Variants in EEF1AKMT1 observed in about 807,000 individuals in gnomAD.
The protein encoded by EEF1AKMT1 is N-6 adenine-specific DNA methyltransferase 2 (putative).
Under a neutral mutation model 21.0 loss-of-function variants are expected in EEF1AKMT1, and 18 were observed. The observed-to-expected ratio is 0.86, with a 90% CI of 0.59 to 1.27. The LOEUF (loss-of-function observed/expected upper bound fraction) is 1.27, where lower values mean the gene tolerates loss of function less well. Among genes scored for constraint, EEF1AKMT1 ranks in the 50% most tolerant of loss-of-function variants. EEF1AKMT1 has a pLI of 0.00. For missense variants in EEF1AKMT1, 246 were observed against 258.6 expected, an observed-to-expected ratio of 0.95 and a Z score of 0.33; for synonymous variants, 109 against 94.8, an observed-to-expected ratio of 1.15 and a Z score of -0.87.
chr13:20,745,850 AAAAAATAAAAAT>A (rs754892399), intron 2 of EEF1AKMT1, among the ~76,000 whole-genome samples: 2 of 152,262 alleles, frequency 1.3e-5, no homozygotes, highest in Admixed American at 6.5e-5. Context: ...TACATCTCGA[AAAAAATAAAAAT>A]AAAAATAAAA....
In EEF1AKMT1 at chr13:20,773,395, T is replaced by C. The variant is rs374948572; in HGVS notation, c.-20+526A>G. Among the ~76,000 whole-genome samples, 12 of 152,264 alleles carry C rather than the reference T, an allele frequency of 7.9e-5. No homozygotes were observed. In the South Asian group the frequency reaches 2.3e-3, roughly 29 times the overall value. Reference sequence around the variant, plus strand: ...TAAAGCCGCCCGCGTCCTAGTCTACTCCACCTCGCAGCACCCGCATCCTGC... The same window carrying C: ...TAAAGCCGCCCGCGTCCTAGTCTACCCCACCTCGCAGCACCCGCATCCTGC... On this transcript the variant is annotated intron_variant, in intron 1 of 4. Transcript: ENST00000382758.
intron 2 of EEF1AKMT1, among the ~76,000 whole-genome samples, chr13:20,743,617 G>C (rs1397184035): frequency 1.3e-5 from 2 of 150,346 alleles, no homozygotes; most frequent in Non-Finnish European, 3.0e-5. Context: ...TTGAGAGCAA[G>C]GGCAGTGTTT....
At chr13:20,756,281 A>G (rs758683076) in intron 2 of EEF1AKMT1, among the ~76,000 whole-genome samples, 3 of 152,216 alleles carry the variant, frequency 2.0e-5, no homozygotes, top group Non-Finnish European at 4.4e-5. Context: ...TTTAAAAAAA[A>G]AAATTATAGG....
At chr13:20,749,940 T>A (rs150402736) in intron 2 of EEF1AKMT1, among the ~76,000 whole-genome samples, 6 of 152,362 alleles carry the variant, frequency 3.9e-5, no homozygotes, top group African/African-American at 1.4e-4. Flanking sequence ...TGTATCTTAA[T>A]GAGGGTCTTC....
At chr13:20,760,861 G>A (rs957675264) in intron 1 of EEF1AKMT1, among the ~76,000 whole-genome samples, 2 of 152,148 alleles carry the variant, frequency 1.3e-5, no homozygotes, top group Non-Finnish European at 2.9e-5. Flanking sequence ...AAAAGAATCT[G>A]ATAATTTGGA....
chr13:20,770,825 A>G (rs992300198), intron 1 of EEF1AKMT1, among the ~76,000 whole-genome samples: 2 of 152,236 alleles, frequency 1.3e-5, no homozygotes, highest in Non-Finnish European at 2.9e-5. Flanking sequence ...GTGTCCATAT[A>G]CATATGCAGA....
rs2058801425 is a variant in EEF1AKMT1, at chr13:20,732,140, A to G, written c.228-19T>C. 6.3e-7 allele frequency: 1 copy of G among 1,589,550 alleles called. No homozygotes were observed. Among genetic ancestry groups the G allele is most frequent in the South Asian group, 1.2e-5 (1 of 86,030 alleles). On this transcript the variant is annotated intron_variant, in intron 3 of 4. Transcript: ENST00000382758. ...TGCGATTCTAGGAGACAAAATGAAC[A>G]CACCATGAAACATCCTTAACAGAGA...
At chr13:20,740,077 G>A (rs1040587335) in intron 2 of EEF1AKMT1, among the ~76,000 whole-genome samples, 32 of 152,250 alleles carry the variant, frequency 2.1e-4, no homozygotes, top group Admixed American at 1.3e-4. Flanking sequence ...CCTGCCCTGC[G>A]GGGAGACAGC....
At chr13:20,739,365 G>C (rs112905487) in intron 2 of EEF1AKMT1, among the ~76,000 whole-genome samples, 3 of 152,304 alleles carry the variant, frequency 2.0e-5, no homozygotes, top group African/African-American at 7.2e-5. Flanking sequence ...CCGCTAAGCA[G>C]GGGCAGCCTG....
chr13:20,732,216 T>C, intron 3 of EEF1AKMT1, 95 bp from the exon 4 acceptor site: 1 of 1,355,016 alleles, frequency 7.4e-7, no homozygotes, highest in South Asian at 1.5e-5. Flanking sequence ...GTCCGAGTGC[T>C]CAGAGTTTCT....
intron 2 of EEF1AKMT1, 79 bp downstream of exon 2, chr13:20,757,376 G>C (rs879448489): frequency 2.0e-6 from 3 of 1,518,400 alleles, no homozygotes; most frequent in Non-Finnish European, 2.7e-6. Flanking sequence ...TTTTAGGTGA[G>C]ACAGACAAAC....
chr13:20,763,457 G>A (rs889807597), intron 1 of EEF1AKMT1, among the ~76,000 whole-genome samples: 12 of 142,034 alleles, frequency 8.4e-5, no homozygotes, highest in Admixed American at 2.8e-4. Flanking sequence ...CGAAATTTTT[G>A]TTTTTTTTTT....
Position 20,754,577 on chromosome 13 carries a change from G to A in EEF1AKMT1, c.144+2878C>T, listed in dbSNP as rs145525286. Reference sequence around the variant, plus strand: ...CTATTATTCCATGAAATAGGTTTTCGATCTCTTTTGTCTTCTCTTTGCCTT... The same window carrying A: ...CTATTATTCCATGAAATAGGTTTTCAATCTCTTTTGTCTTCTCTTTGCCTT... On this transcript the variant is annotated intron_variant, in intron 2 of 4. Transcript: ENST00000382758. 2.3e-3 allele frequency among the ~76,000 whole-genome samples: 347 copies of A among 152,002 alleles called. 2 individuals are homozygous for A. Among genetic ancestry groups the A allele is most frequent in the African/African-American group, 7.9e-3 (328 of 41,444 alleles).
chr13:20,747,890 T>C, intron 2 of EEF1AKMT1: 1 of 176,028 alleles, frequency 5.7e-6, no homozygotes, highest in Non-Finnish European at 1.3e-5. Flanking sequence ...ATACAATGAA[T>C]GGGTCCTCTG....
At chr13:20,768,231 T>G (rs893679262) in intron 1 of EEF1AKMT1, among the ~76,000 whole-genome samples, 1 of 152,238 alleles carries the variant, frequency 6.6e-6, no homozygotes, top group Admixed American at 6.5e-5. Flanking sequence ...TGTATTCCTA[T>G]GTAAGTATTC....
chr13:20,764,697 G>A (rs959955693), intron 1 of EEF1AKMT1, among the ~76,000 whole-genome samples: 19 of 151,880 alleles, frequency 1.3e-4, no homozygotes, highest in East Asian at 5.8e-4. Flanking sequence ...CGTTTGGTGC[G>A]TACATACTTA....
At chr13:20,732,921 G>A (rs2058805865) in intron 3 of EEF1AKMT1, among the ~76,000 whole-genome samples, 1 of 152,054 alleles carries the variant, frequency 6.6e-6, no homozygotes, top group Non-Finnish European at 1.5e-5. Context: ...CTGCAGACAA[G>A]CTATTCTGAA....
intron 1 of EEF1AKMT1, among the ~76,000 whole-genome samples, chr13:20,759,616 A>G (rs1039625671): frequency 3.5e-5 from 5 of 141,778 alleles, no homozygotes; most frequent in African/African-American, 1.3e-4. Flanking sequence ...AACAAAAAAA[A>G]AAAGAAACTG....
chr13:20,731,187 A>G (rs2058793133), intron 4 of EEF1AKMT1, among the ~76,000 whole-genome samples: 1 of 152,210 alleles, frequency 6.6e-6, no homozygotes, highest in Non-Finnish European at 1.5e-5. Flanking sequence ...AATGTTTAAA[A>G]TTTTTGTAGA....
Sources: allele counts gnomAD v4.1 joint callset (sites outside exome capture counted in the v4.1 genomes callset), GRCh38; gene constraint gnomAD v4.1.1; transcripts MANE v1.5; gene names NCBI Gene and HGNC (gene_info 2026-07-23, HGNC 2026-07-21).